The following FNBP1L variants were observed in gnomAD, a reference collection of about 807,000 sequenced individuals.
FNBP1L encodes formin-binding protein 1-like.
FNBP1L carries 36 observed loss-of-function variants against 91.2 expected under a neutral mutation model. The ratio of observed to expected loss-of-function variants is 0.39; its 90% CI spans 0.30 to 0.52. The LOEUF (loss-of-function observed/expected upper bound fraction) is 0.52. FNBP1L is among the 20% of genes least tolerant of loss of function. The probability of loss-of-function intolerance (pLI) is 0.66; values close to 1 mark genes in which losing one functional copy is unlikely to be tolerated. For synonymous variants in FNBP1L, 242 were observed against 237.0 expected (o/e 1.02, Z -0.19); for missense variants, 571 against 732.1 (o/e 0.78, Z 2.54).
chr1:93,487,722 A>G (rs1442889021), intron 1 of FNBP1L, among the ~76,000 whole-genome samples: 1 of 152,246 alleles, frequency 6.6e-6, no homozygotes. Context: ...TTGTCTTCTT[A>G]TAAATTATGC....
intron 1 of FNBP1L, among the ~76,000 whole-genome samples, chr1:93,460,114 G>A (rs1668813246): frequency 6.6e-6 from 1 of 152,092 alleles, no homozygotes; most frequent in Non-Finnish European, 1.5e-5. Context: ...GAACATTTCC[G>A]ATTTTGGATT....
At chr1:93,448,686 C>T (rs911754042) in intron 1 of FNBP1L, among the ~76,000 whole-genome samples, 1 of 152,118 alleles carries the variant, frequency 6.6e-6, no homozygotes, top group Non-Finnish European at 1.5e-5. Context: ...TCTCTCCTCC[C>T]GGAGGCGGGG....
At chr1:93,459,940 G>GGTGTGTGTGTGTGTGTGT (rs1557773915) in intron 1 of FNBP1L, among the ~76,000 whole-genome samples, 4 of 54,830 alleles carry the variant, frequency 7.3e-5, no homozygotes, top group Admixed American at 2.1e-4. Context: ...TTGGATTTCA[G>GGTGTGTGTGTGTGTGTGT]ATGTGTGTGT....
chr1:93,465,995 A>G (rs1433833606), intron 1 of FNBP1L, among the ~76,000 whole-genome samples: 3 of 152,110 alleles, frequency 2.0e-5, no homozygotes, highest in Non-Finnish European at 4.4e-5. Flanking sequence ...GGCTGCATAA[A>G]TGTCTTCTTT....
At chr1:93,542,365 A>C (rs1055654) in intron 11 of FNBP1L, among the ~76,000 whole-genome samples, 71,363 of 150,382 alleles carry the variant, frequency 0.47, 20,317 homozygotes, top group Non-Finnish European at 0.61. Context: ...AAAGGAACTC[A>C]ACAAAGGAAA....
intron 2 of FNBP1L, among the ~76,000 whole-genome samples, chr1:93,501,494 C>T (rs1399434366): frequency 6.6e-6 from 1 of 152,076 alleles, no homozygotes. Context: ...AACCCACTCT[C>T]AAAAAGTGAT....
chr1:93,461,302 G>A (rs1358125181), intron 1 of FNBP1L, among the ~76,000 whole-genome samples: 2 of 152,164 alleles, frequency 1.3e-5, no homozygotes, highest in Non-Finnish European at 2.9e-5. Context: ...GAAGCAAGTT[G>A]AAGTGTTGAT....
chr1:93,523,256 T>A (rs1201558323), intron 3 of FNBP1L, 88 bp from the exon 4 acceptor site: 1 of 1,328,514 alleles, frequency 7.5e-7, no homozygotes, highest in South Asian at 1.9e-5. Flanking sequence ...ATGCTAAAAT[T>A]TGCGAAATGT....
chr1:93,456,197 A>C (rs900147414), intron 1 of FNBP1L, among the ~76,000 whole-genome samples: 1 of 152,232 alleles, frequency 6.6e-6, no homozygotes, highest in Non-Finnish European at 1.5e-5. Context: ...AACAAGGATA[A>C]AAGTTTATGT....
At chr1:93,524,699 T>C (rs1462189265) in intron 5 of FNBP1L, among the ~76,000 whole-genome samples, 1 of 150,746 alleles carries the variant, frequency 6.6e-6, no homozygotes, top group Non-Finnish European at 1.5e-5. Context: ...CTGAGAATAA[T>C]CAAGGTTCTT....
In FNBP1L at chr1:93,448,179, G is replaced by A. The variant is rs1668332231; in HGVS notation, c.-103G>A. ...TGGCGGCACCTTTCGAGGTAGACCC[G>A]CTGAGCTGCTAGCCCGCCGGCCAGC... On this transcript the variant is annotated 5_prime_UTR_variant, in exon 1 of 17. Coordinates refer to ENST00000271234, the MANE Select transcript of FNBP1L (RefSeq NM_001164473.3). 2.8e-6 allele frequency: 4 copies of A among 1,445,952 alleles called. No individual in the cohort carries two copies. Among genetic ancestry groups the A allele is most frequent in the East Asian group, 2.9e-5 (1 of 34,244 alleles). The allele number at this position is 1,445,952 out of a possible 1,614,324, so 89.6% of individuals were successfully genotyped here.
chr1:93,508,257 G>C (rs913421677), intron 2 of FNBP1L, among the ~76,000 whole-genome samples: 1 of 152,076 alleles, frequency 6.6e-6, no homozygotes, highest in Non-Finnish European at 1.5e-5. Flanking sequence ...GGCTGAGGTG[G>C]GAGGATTGCT....
At chr1:93,539,953 T>G (rs1671976826) in intron 10 of FNBP1L, among the ~76,000 whole-genome samples, 1 of 152,152 alleles carries the variant, frequency 6.6e-6, no homozygotes, top group Non-Finnish European at 1.5e-5. Context: ...CACCTTCTCT[T>G]AAAACATGTG....
chr1:93,533,135 ATGAGT>A (rs1671740052), intron 8 of FNBP1L, 67 bp downstream of exon 8: 4 of 1,438,820 alleles, frequency 2.8e-6, no homozygotes, highest in African/African-American at 1.4e-5. Context: ...AGTTAGTGAA[ATGAGT>A]TGAGAAAGGG....
chr1:93,540,016 T>C (rs1671980233), intron 10 of FNBP1L, among the ~76,000 whole-genome samples: 1 of 152,114 alleles, frequency 6.6e-6, no homozygotes, highest in African/African-American at 2.4e-5. Context: ...CTAATTGAGA[T>C]GAATGTGAAG....
chr1:93,529,347 A>AT (rs1371828956), intron 5 of FNBP1L, among the ~76,000 whole-genome samples: 1 of 152,112 alleles, frequency 6.6e-6, no homozygotes, highest in Non-Finnish European at 1.5e-5. Context: ...AGTAAAATTT[A>AT]TTTTCTAATT....
chr1:93,540,024 A>G (rs1671981144), intron 10 of FNBP1L, among the ~76,000 whole-genome samples: 1 of 152,108 alleles, frequency 6.6e-6, no homozygotes, highest in Non-Finnish European at 1.5e-5. Flanking sequence ...GATGAATGTG[A>G]AGATTAACTT....
At chr1:93,529,480 G>A (rs1671603930) in intron 5 of FNBP1L, among the ~76,000 whole-genome samples, 172 bp from the exon 6 acceptor site, 1 of 151,924 alleles carries the variant, frequency 6.6e-6, no homozygotes, top group African/African-American at 2.4e-5. Context: ...TGGGATACAT[G>A]TGCAGGACGT....
chr1:93,520,064 G>T (rs1671270760), intron 2 of FNBP1L, among the ~76,000 whole-genome samples: 1 of 152,166 alleles, frequency 6.6e-6, no homozygotes, highest in Non-Finnish European at 1.5e-5. Context: ...CTCACTGGGT[G>T]TTAGGTCTTC....
Sources: gnomAD v4.1 joint callset for allele counts (sites outside exome capture counted in the v4.1 genomes callset) on GRCh38, gnomAD v4.1.1 for gene constraint, MANE v1.5 for transcripts, NCBI Gene and HGNC (gene_info 2026-07-23, HGNC 2026-07-21) for gene names.